Variants in CHCHD6 observed in about 807,000 individuals in gnomAD.
The protein encoded by CHCHD6 is coiled-coil-helix-coiled-coil-helix domain containing 6.
Under a neutral mutation model 32.3 loss-of-function variants are expected in CHCHD6, and 28 were observed. That is an observed-to-expected ratio of 0.87 (90% CI 0.64 to 1.19). CHCHD6 has a LOEUF of 1.19. CHCHD6 is among the 50% of genes most tolerant of loss of function. The pLI is 0.00. For synonymous variants in CHCHD6, 122 were observed against 117.5 expected (o/e 1.04, Z -0.25); for missense variants, 333 against 307.0 (o/e 1.08, Z -0.63).
chr3:126,863,762 T>C (rs1441547827), intron 5 of CHCHD6, among the ~76,000 whole-genome samples: 8 of 101,148 alleles, frequency 7.9e-5, no homozygotes, highest in East Asian at 4.0e-4. Context: ...TCCACCACCA[T>C]CACCTCCTCC....
intron 5 of CHCHD6, among the ~76,000 whole-genome samples, chr3:126,861,549 C>T (rs886312699): frequency 6.6e-6 from 1 of 151,396 alleles, no homozygotes; most frequent in Non-Finnish European, 1.5e-5. Context: ...CCACCAGCAC[C>T]ACCACCAGCA....
intron 4 of CHCHD6, among the ~76,000 whole-genome samples, chr3:126,818,113 C>T (rs1054128341): frequency 3.9e-5 from 6 of 152,124 alleles, no homozygotes; most frequent in African/African-American, 2.4e-5. Flanking sequence ...CAGTGTTTTC[C>T]TCCTCACTTT....
chr3:126,843,065 C>T (rs949504436), intron 4 of CHCHD6, among the ~76,000 whole-genome samples: 1 of 151,880 alleles, frequency 6.6e-6, no homozygotes, highest in South Asian at 2.1e-4. Flanking sequence ...TTTTTTGGTA[C>T]GTGTCCTTCA....
intron 4 of CHCHD6, among the ~76,000 whole-genome samples, chr3:126,782,454 C>A (rs1376274582): frequency 6.6e-6 from 1 of 152,204 alleles, no homozygotes; most frequent in African/African-American, 2.4e-5. Flanking sequence ...GGAGGCCAGC[C>A]GTTTCTGATT....
At chr3:126,832,686 TG>T (rs1940692194) in intron 4 of CHCHD6, among the ~76,000 whole-genome samples, 1 of 152,236 alleles carries the variant, frequency 6.6e-6, no homozygotes, top group South Asian at 2.1e-4. Flanking sequence ...CATCTTCATG[TG>T]TCATTGTGCT....
At chr3:126,781,134 A>G (rs183791653) in intron 4 of CHCHD6, among the ~76,000 whole-genome samples, 5 of 152,288 alleles carry the variant, frequency 3.3e-5, no homozygotes, top group Admixed American at 2.0e-4. Flanking sequence ...CTTTCCTGAG[A>G]TCAGAGGCAT....
intron 6 of CHCHD6, chr3:126,952,913 G>A (rs113534381): frequency 8.3e-6 from 8 of 959,250 alleles, no homozygotes; most frequent in African/African-American, 7.1e-5. Context: ...CTGCTTGCCA[G>A]GGACCAGGAC....
chr3:126,806,479 A>G (rs1463618349), intron 4 of CHCHD6, among the ~76,000 whole-genome samples: 2 of 152,210 alleles, frequency 1.3e-5, no homozygotes, highest in East Asian at 3.8e-4. Flanking sequence ...AGAGAAATGC[A>G]AATCAAAACC....
chr3:126,914,372 G>A (rs967296164), intron 5 of CHCHD6, among the ~76,000 whole-genome samples: 2 of 152,214 alleles, frequency 1.3e-5, no homozygotes, highest in Non-Finnish European at 2.9e-5. Context: ...ACTAATGAGC[G>A]TGGCTGTGTG....
chr3:126,835,551 T>C (rs1301853357), intron 4 of CHCHD6, among the ~76,000 whole-genome samples: 3 of 152,282 alleles, frequency 2.0e-5, no homozygotes, highest in African/African-American at 4.8e-5. Context: ...AGTTCATGAA[T>C]TTCCCACCTG....
At chr3:126,858,195 A>G (rs1297367483) in intron 5 of CHCHD6, among the ~76,000 whole-genome samples, 1 of 151,892 alleles carries the variant, frequency 6.6e-6, no homozygotes, top group African/African-American at 2.4e-5. Context: ...GATTCCATCT[A>G]CAGAAGGGGT....
At chr3:126,831,853 C>T (rs998251215) in intron 4 of CHCHD6, among the ~76,000 whole-genome samples, 7 of 152,142 alleles carry the variant, frequency 4.6e-5, no homozygotes, top group Non-Finnish European at 1.0e-4. Flanking sequence ...GATCGTTGGT[C>T]TCAGGTGAGC....
chr3:126,793,112 A>T (rs1204451268), intron 4 of CHCHD6, among the ~76,000 whole-genome samples: 1 of 151,956 alleles, frequency 6.6e-6, no homozygotes, highest in African/African-American at 2.4e-5. Flanking sequence ...ACTTTATTCT[A>T]CCTACATAAA....
At chr3:126,818,765 C>T (rs1406689932) in intron 4 of CHCHD6, among the ~76,000 whole-genome samples, 2 of 152,230 alleles carry the variant, frequency 1.3e-5, no homozygotes, top group Non-Finnish European at 2.9e-5. Flanking sequence ...TGCATCTCCC[C>T]ATCATCTGAT....
intron 4 of CHCHD6, among the ~76,000 whole-genome samples, chr3:126,759,999 G>C (rs1937103552): frequency 1.3e-5 from 2 of 152,122 alleles, no homozygotes; most frequent in South Asian, 4.1e-4. Flanking sequence ...ACAGGAGCAA[G>C]GACTGGGGAG....
At chr3:126,763,958 G>A (rs1440253524) in intron 4 of CHCHD6, among the ~76,000 whole-genome samples, 2 of 151,834 alleles carry the variant, frequency 1.3e-5, no homozygotes, top group Non-Finnish European at 2.9e-5. Flanking sequence ...GGTTAAAAAT[G>A]GCATATTTTA....
intron 4 of CHCHD6, among the ~76,000 whole-genome samples, chr3:126,818,278 A>G (rs1939995410): frequency 6.6e-6 from 1 of 152,146 alleles, no homozygotes; most frequent in Non-Finnish European, 1.5e-5. Flanking sequence ...CTCCATAAAT[A>G]TACTTTGGCA....
intron 6 of CHCHD6, among the ~76,000 whole-genome samples, chr3:126,923,101 C>A (rs140608785): frequency 6.6e-6 from 1 of 152,280 alleles, no homozygotes; most frequent in Non-Finnish European, 1.5e-5. Flanking sequence ...CTTGCCACTG[C>A]GCTGTAGCAG....
At chr3:126,764,291 T>C (rs1382688584) in intron 4 of CHCHD6, among the ~76,000 whole-genome samples, 1 of 150,914 alleles carries the variant, frequency 6.6e-6, no homozygotes, top group Non-Finnish European at 1.5e-5. Context: ...AACCTTCTCT[T>C]TGATTCCCCT....
Sources: gnomAD v4.1 joint callset for allele counts (sites outside exome capture counted in the v4.1 genomes callset) on GRCh38, gnomAD v4.1.1 for gene constraint, MANE v1.5 for transcripts, NCBI Gene and HGNC (gene_info 2026-07-23, HGNC 2026-07-21) for gene names.